Variants in TRIO observed in about 807,000 individuals in gnomAD.
The protein encoded by TRIO is triple functional domain protein.
In TRIO, 58 loss-of-function variants were observed where a neutral mutation model predicts 351.9. The observed-to-expected ratio is 0.16, with a 90% CI of 0.13 to 0.21. The LOEUF (loss-of-function observed/expected upper bound fraction) is 0.21, where lower values mean the gene tolerates loss of function less well. Ranked by LOEUF, TRIO falls within the 10% of genes least tolerant of loss-of-function variation. The pLI, the probability that TRIO is intolerant of heterozygous loss-of-function variation, is 1.00. For missense variants in TRIO, 3,201 were observed against 4,027.8 expected, an observed-to-expected ratio of 0.79 and a Z score of 5.56; for synonymous variants, 1,758 against 1,595.7, an observed-to-expected ratio of 1.10 and a Z score of -2.42.
chr5:14,315,572 G>T (rs1739314740), intron 8 of TRIO, among the ~76,000 whole-genome samples: 1 of 152,028 alleles, frequency 6.6e-6, no homozygotes, highest in Non-Finnish European at 1.5e-5. Context: ...AACTCAAAGA[G>T]GTTTTTAGAT....
chr5:14,354,731 G>A (rs1278548972), intron 11 of TRIO, among the ~76,000 whole-genome samples: 2 of 152,188 alleles, frequency 1.3e-5, no homozygotes, highest in Admixed American at 1.3e-4. Flanking sequence ...TTGGCAGTGG[G>A]ACAGAGTAAT....
intron 9 of TRIO, among the ~76,000 whole-genome samples, chr5:14,329,283 C>T (rs1381579295): frequency 1.3e-5 from 2 of 152,212 alleles, no homozygotes; most frequent in Non-Finnish European, 2.9e-5. Flanking sequence ...TTTTGATCTG[C>T]ATCGTCTGAA....
In TRIO at chr5:14,288,185, T is replaced by A. The variant is rs78989554; in HGVS notation, c.540+1122T>A. 2.7e-3 allele frequency among the ~76,000 whole-genome samples: 408 copies of A among 152,330 alleles called. 10 individuals are homozygous for A. The East Asian group carries it at 0.064, about 24-fold the overall frequency. The stretch of plus-strand genomic sequence containing the variant: ...TATTTTCTTGATGCAGAATTGAAAG[T>A]GCATTGTATTTAATTATAAGTGTTT... On this transcript the variant is annotated intron_variant, in intron 4 of 56. Transcript: ENST00000344204.
At chr5:14,253,179 G>A (rs940428695) in intron 1 of TRIO, among the ~76,000 whole-genome samples, 1 of 152,164 alleles carries the variant, frequency 6.6e-6, no homozygotes, top group Non-Finnish European at 1.5e-5. Flanking sequence ...ATGCACCACG[G>A]TCTTCTGGGT....
At chr5:14,332,331 A>G (rs893555796) in intron 10 of TRIO, among the ~76,000 whole-genome samples, 16 of 152,178 alleles carry the variant, frequency 1.1e-4, no homozygotes, top group African/African-American at 2.9e-4. Flanking sequence ...GGAGACCTTG[A>G]ATTCATTCTT....
At chr5:14,314,460 T>A (rs1244763499) in intron 8 of TRIO, among the ~76,000 whole-genome samples, 4 of 152,194 alleles carry the variant, frequency 2.6e-5, no homozygotes, top group Non-Finnish European at 5.9e-5. Context: ...ATGCGAGTAT[T>A]GAGAATGGTT....
chr5:14,281,846 TA>T (rs931053993), intron 3 of TRIO, among the ~76,000 whole-genome samples: 2 of 152,288 alleles, frequency 1.3e-5, no homozygotes, highest in Non-Finnish European at 2.9e-5. Flanking sequence ...AGGAACATGT[TA>T]CAAGAGAATG....
chr5:14,455,235 C>G (rs1464174612), intron 34 of TRIO, among the ~76,000 whole-genome samples: 2 of 152,204 alleles, frequency 1.3e-5, no homozygotes, highest in African/African-American at 4.8e-5. Flanking sequence ...CCACCCACAT[C>G]CTGCTGATTG....
intron 34 of TRIO, among the ~76,000 whole-genome samples, chr5:14,421,432 G>A (rs1192324320): frequency 1.3e-5 from 2 of 151,346 alleles, no homozygotes; most frequent in African/African-American, 2.4e-5. Flanking sequence ...GTGAAACCCC[G>A]TCTCTACTAA....
At chr5:14,264,321 G>T (rs1452091825) in intron 1 of TRIO, among the ~76,000 whole-genome samples, 1 of 152,000 alleles carries the variant, frequency 6.6e-6, no homozygotes, top group Non-Finnish European at 1.5e-5. Flanking sequence ...GAGGTATGCT[G>T]TTATAGGCTG....
intron 33 of TRIO, among the ~76,000 whole-genome samples, chr5:14,406,962 C>A (rs1004068629): frequency 8.5e-5 from 13 of 152,216 alleles, no homozygotes; most frequent in Non-Finnish European, 1.6e-4. Context: ...ACTTTTTAAT[C>A]TTATTCCTAA....
rs183367232 is a variant in TRIO, at chr5:14,316,376, T to A, written c.1501-137T>A. 1.2e-4 allele frequency: 102 copies of A among 817,100 alleles called. 2 individuals are homozygous for A. In the African/African-American group the frequency reaches 1.5e-3, roughly 12 times the overall value. 50.6% of individuals were successfully genotyped at this position (817,100 alleles called of 1,614,324 possible). A position where few individuals can be genotyped will look rare whatever the true frequency, so the allele number is the denominator to read the frequency against. On this transcript the variant is annotated intron_variant, in intron 8 of 56. Transcript: ENST00000344204. ...TAAAACTGTGGTGTGTGAATGAATG[T>A]CTGGGCATGTGTGTAATGTGTGTAC...
At chr5:14,381,414 C>T (rs1056657667) in intron 21 of TRIO, among the ~76,000 whole-genome samples, 162 bp downstream of exon 21, 7 of 152,162 alleles carry the variant, frequency 4.6e-5, no homozygotes, top group African/African-American at 1.2e-4. Flanking sequence ...TGTGTCCCTC[C>T]GTGTCCTCCA....
At chr5:14,306,493 C>T (rs1738379840) in intron 8 of TRIO, among the ~76,000 whole-genome samples, 1 of 152,182 alleles carries the variant, frequency 6.6e-6, no homozygotes, top group Non-Finnish European at 1.5e-5. Flanking sequence ...TGACCTATAA[C>T]ACAGAAAGCA....
At chr5:14,491,291 A>G (rs1039476110) in intron 48 of TRIO, among the ~76,000 whole-genome samples, 1 of 152,180 alleles carries the variant, frequency 6.6e-6, no homozygotes, top group Non-Finnish European at 1.5e-5. Flanking sequence ...GCGGTAGAGC[A>G]GGGTTATCTG....
rs749849461 is a variant in TRIO, at chr5:14,358,160, C to G, written c.2047-18C>G. The G allele has an allele frequency of 1.3e-5, 21 of 1,607,026 alleles. No individual in the cohort carries two copies. The highest frequency in any genetic ancestry group is 3.5e-4 in the Middle Eastern group (2 of 5,796). The stretch of plus-strand genomic sequence containing the variant: ...GCAGCCAGGCCGGCCGGCCTCACCC[C>G]CCTCTCCCCTTCCCCAGCTGTGGAC... On this transcript the variant is annotated intron_variant, in intron 11 of 56. Transcript: ENST00000344204.
intron 27 of TRIO, among the ~76,000 whole-genome samples, chr5:14,391,640 T>C (rs1269670576): frequency 1.3e-5 from 2 of 152,226 alleles, no homozygotes; most frequent in Admixed American, 6.5e-5. Context: ...CAGAACTTGG[T>C]CAAATATGTG....
chr5:14,359,595 G>A (rs751118717), intron 13 of TRIO, 64 bp downstream of exon 13: 2 of 1,569,062 alleles, frequency 1.3e-6, no homozygotes, highest in Non-Finnish European at 1.7e-6. Context: ...CACAGCACCG[G>A]CGCCCTCTTG....
At chr5:14,183,731 C>G (rs1789934793) in intron 1 of TRIO, 1 of 465,446 alleles carries the variant, frequency 2.1e-6, no homozygotes, top group Non-Finnish European at 3.9e-6. Flanking sequence ...GTTTCTGCCC[C>G]TCCCGTTTGC....
Sources: gnomAD v4.1 joint callset for allele counts (sites outside exome capture counted in the v4.1 genomes callset) on GRCh38, gnomAD v4.1.1 for gene constraint, MANE v1.5 for transcripts, NCBI Gene and HGNC (gene_info 2026-07-23, HGNC 2026-07-21) for gene names.